The following SLC38A11 variants were observed in gnomAD, a reference collection of about 807,000 sequenced individuals.
SLC38A11 encodes the protein solute carrier family 38 member 11, also known as putative sodium-coupled neutral amino acid transporter 11.
In SLC38A11, 51 loss-of-function variants were observed where a neutral mutation model predicts 49.4. That is an observed-to-expected ratio of 1.03 (90% CI 0.83 to 1.30). The LOEUF is 1.30. Among genes scored for constraint, SLC38A11 ranks in the 50% most tolerant of loss-of-function variants. The pLI is 0.00. For synonymous variants in SLC38A11, 203 were observed against 192.9 expected (o/e 1.05, Z -0.43); for missense variants, 574 against 556.2 (o/e 1.03, Z -0.32).
chr2:164,903,781 A>C (rs1168539383), intron 11 of SLC38A11, among the ~76,000 whole-genome samples: 1 of 152,194 alleles, frequency 6.6e-6, no homozygotes, highest in Admixed American at 6.6e-5. Flanking sequence ...TTAATTGATA[A>C]TAACACTGTG....
intron 5 of SLC38A11, among the ~76,000 whole-genome samples, chr2:164,942,509 C>A (rs1350643721): frequency 6.7e-6 from 1 of 149,376 alleles, no homozygotes; most frequent in East Asian, 2.0e-4. Context: ...TGAAAAATAA[C>A]AAAGAAAACC....
intron 3 of SLC38A11, among the ~76,000 whole-genome samples, chr2:164,946,564 C>CAAAA (rs34775521): frequency 7.5e-5 from 8 of 106,580 alleles, no homozygotes; most frequent in Non-Finnish European, 1.1e-4. Flanking sequence ...GACTCCCTCT[C>CAAAA]AAAAAAAAAA....
At chr2:164,953,690 C>T (rs986898848) in intron 2 of SLC38A11, among the ~76,000 whole-genome samples, 12 of 151,708 alleles carry the variant, frequency 7.9e-5, no homozygotes, top group Non-Finnish European at 1.3e-4. Context: ...ACCATATTAA[C>T]TTGTGAAAAG....
intron 7 of SLC38A11, among the ~76,000 whole-genome samples, chr2:164,935,259 T>G (rs890535728): frequency 2.0e-5 from 3 of 151,808 alleles, no homozygotes; most frequent in African/African-American, 7.3e-5. Flanking sequence ...TTCAGGCCTC[T>G]CTCTGCTTTT....
chr2:164,898,342 A>AAC lies in SLC38A11; in HGVS notation c.*94_*95insGT. On this transcript the variant is annotated 3_prime_UTR_variant, in exon 12 of 12. Coordinates refer to ENST00000685975, the MANE Select transcript of SLC38A11 (RefSeq NM_001351537.2). ...GCCAAGTCTTGATAAAAGCCAAAATAATAATTTTATATAACATAAATACAG... is the reference window on the plus strand; with the variant it reads ...GCCAAGTCTTGATAAAAGCCAAAATAACATAATTTTATATAACATAAATACAG... The AAC allele has an allele frequency of 1.0e-6, 1 of 961,024 alleles. No individual in the cohort carries two copies. Among genetic ancestry groups the AAC allele is most frequent in the Non-Finnish European group, 1.5e-6 (1 of 659,752 alleles). The allele number at this position is 961,024 out of a possible 1,614,324, so 59.5% of individuals were successfully genotyped here. A position where few individuals can be genotyped will look rare whatever the true frequency, so the allele number is the denominator to read the frequency against.
chr2:164,937,100 T>G (rs1432651165), intron 7 of SLC38A11, among the ~76,000 whole-genome samples: 1 of 152,168 alleles, frequency 6.6e-6, no homozygotes, highest in Non-Finnish European at 1.5e-5. Context: ...TAATTCTAAT[T>G]CTTTCTTACT....
chr2:164,937,910 T>C (rs1687486622), intron 6 of SLC38A11, among the ~76,000 whole-genome samples: 1 of 151,978 alleles, frequency 6.6e-6, no homozygotes, highest in South Asian at 2.1e-4. Flanking sequence ...GTATCTCAGC[T>C]TTTTCCTCTC....
At position 164,898,493 on chromosome 2, in the gene SLC38A11, ACT is replaced by A. The variant is rs1684444811; in HGVS notation, c.1331_1332del (p.Glu444ValfsTer15). The A allele has an allele frequency of 1.9e-6, 3 of 1,613,402 alleles. No homozygotes were observed. Among genetic ancestry groups the A allele is most frequent in the Non-Finnish European group, 2.5e-6 (3 of 1,179,606 alleles). ...AGTTGTGTTGTCTGCTGAACATGAG[ACT>A]CTGAGGTATTTGTGAGAGAGAAATT... is the stretch of plus-strand genomic sequence containing the variant. ...PDNFSLTNTS[E>X]SHVQQTTQLS... On this transcript the variant is annotated frameshift_variant, in exon 12 of 12. Coordinates refer to ENST00000685975, the MANE Select transcript of SLC38A11 (RefSeq NM_001351537.2). LOFTEE classifies it high-confidence loss of function.
chr2:164,945,708 C>T lies in SLC38A11; in HGVS notation c.249G>A (p.Leu83=). Residue 83 remains leucine, a synonymous_variant, in exon 4 of 12, where the codon TTG becomes TTA. Transcript: ENST00000685975. ...TTCCAGAGAGGGCCCCTCCTTTTAT[C>T]AATAAAACAAGGGAAAAGTCTGTGG... ...SYVTDFSLVL[L]IKGGALSGTD... is the part of the protein sequence containing the mutation. 6.2e-7 allele frequency: 1 copy of T among 1,605,398 alleles called. No homozygotes were observed. The highest frequency in any genetic ancestry group is 8.5e-7 in the Non-Finnish European group (1 of 1,178,034).
intron 9 of SLC38A11, among the ~76,000 whole-genome samples, chr2:164,914,466 A>G (rs1384661918): frequency 2.6e-5 from 4 of 152,050 alleles, no homozygotes; most frequent in East Asian, 1.9e-4. Flanking sequence ...AGACAAATAT[A>G]GAACAACTGA....
chr2:164,916,946 G>A (rs191330322), intron 7 of SLC38A11, among the ~76,000 whole-genome samples: 16 of 150,636 alleles, frequency 1.1e-4, no homozygotes, highest in African/African-American at 3.5e-4. Context: ...TTTATAAACT[G>A]GGGATAATTG....
intron 2 of SLC38A11, chr2:164,953,350 G>T (rs1461757278): frequency 6.6e-6 from 1 of 152,128 alleles, no homozygotes; most frequent in Non-Finnish European, 1.5e-5. Context: ...TTAGATTATG[G>T]ACAATAAAAT....
intron 7 of SLC38A11, among the ~76,000 whole-genome samples, chr2:164,924,907 TG>T (rs34165284): frequency 0.077 from 11,660 of 151,968 alleles, 475 homozygotes; most frequent in Admixed American, 0.11. Context: ...GCTAATTTTT[TG>T]TATCCGCGCC....
chr2:164,952,631 T>C, intron 3 of SLC38A11, 76 bp downstream of exon 3: 1 of 601,864 alleles, frequency 1.7e-6, no homozygotes, highest in Non-Finnish European at 2.7e-6. Flanking sequence ...TTGCAGCATG[T>C]GTGTGTGTGT....
rs1253675052 is a variant in SLC38A11, at chr2:164,901,436, C to T, written c.1096-2706G>A. Among the ~76,000 whole-genome samples, 4 of 151,870 alleles carry T rather than the reference C, an allele frequency of 2.6e-5. No individual in the cohort carries two copies. In the East Asian group the frequency reaches 5.8e-4, roughly 22 times the overall value. Reference sequence around the variant, plus strand: ...ATTTATTTGTGTCTTTTTCAATTTCCTTCAGCAAGATTTTATAGTTTTCAG... The same window carrying T: ...ATTTATTTGTGTCTTTTTCAATTTCTTTCAGCAAGATTTTATAGTTTTCAG... On this transcript the variant is annotated intron_variant, in intron 11 of 11. Transcript: ENST00000685975.
chr2:164,938,176 G>A (rs1173440544), intron 6 of SLC38A11, among the ~76,000 whole-genome samples: 1 of 152,070 alleles, frequency 6.6e-6, no homozygotes, highest in East Asian at 1.9e-4. Flanking sequence ...TTTTATGTGA[G>A]TCTCATTAAC....
chr2:164,933,506 GA>G (rs2105490447), intron 7 of SLC38A11, among the ~76,000 whole-genome samples: 1 of 152,132 alleles, frequency 6.6e-6, no homozygotes, highest in South Asian at 2.1e-4. Context: ...AAAGGAAATT[GA>G]ATTGTATTTT....
chr2:164,943,177 G>A (rs1687895914), intron 5 of SLC38A11, among the ~76,000 whole-genome samples: 1 of 152,192 alleles, frequency 6.6e-6, no homozygotes, highest in Non-Finnish European at 1.5e-5. Flanking sequence ...GCTTGGATGA[G>A]AAGCTCTTCA....
chr2:164,914,178 CA>C (rs1254999585), intron 9 of SLC38A11, among the ~76,000 whole-genome samples: 2 of 151,970 alleles, frequency 1.3e-5, no homozygotes, highest in African/African-American at 2.4e-5. Context: ...GTGTTTTAAT[CA>C]GGGGGTAAAA....
Sources: gnomAD v4.1 joint callset for allele counts (sites outside exome capture counted in the v4.1 genomes callset) on GRCh38, gnomAD v4.1.1 for gene constraint, MANE v1.5 for transcripts, NCBI Gene and HGNC (gene_info 2026-07-23, HGNC 2026-07-21) for gene names.